SHISA6: variants seen among roughly 807,000 people sequenced by gnomAD.
SHISA6 encodes protein shisa-6.
A neutral mutation model predicts 47.9 loss-of-function variants in SHISA6; 22 were observed. That is an observed-to-expected ratio of 0.46 (90% CI 0.33 to 0.66). The LOEUF (loss-of-function observed/expected upper bound fraction) is 0.66. Ranked by LOEUF, SHISA6 falls within the 30% of genes least tolerant of loss-of-function variation. The pLI is 0.02. For synonymous variants in SHISA6, 388 were observed against 337.8 expected (o/e 1.15, Z -1.63); for missense variants, 680 against 764.6 (o/e 0.89, Z 1.30).
At chr17:11,426,889 C>T (rs1413084458) in intron 3 of SHISA6, among the ~76,000 whole-genome samples, 1 of 152,052 alleles carries the variant, frequency 6.6e-6, no homozygotes, top group Non-Finnish European at 1.5e-5. Flanking sequence ...ATTTTCTCAC[C>T]TTCTCCATCT....
chr17:11,480,930 T>C (rs914229108), intron 3 of SHISA6, among the ~76,000 whole-genome samples: 4 of 151,974 alleles, frequency 2.6e-5, no homozygotes, highest in Admixed American at 1.3e-4. Flanking sequence ...ATTAAAAAAA[T>C]AGAGTATATA....
chr17:11,341,418 T>C (rs1180799840), intron 2 of SHISA6, among the ~76,000 whole-genome samples: 1 of 138,078 alleles, frequency 7.2e-6, no homozygotes, highest in Admixed American at 7.8e-5. Flanking sequence ...CACTGCAACC[T>C]CTGCCTCCCA....
intron 1 of SHISA6, among the ~76,000 whole-genome samples, chr17:11,254,656 T>G (rs1907943614): frequency 6.6e-6 from 1 of 152,206 alleles, no homozygotes; most frequent in Non-Finnish European, 1.5e-5. Flanking sequence ...ATTGTTAGGA[T>G]GCAATTCTAG....
intron 2 of SHISA6, among the ~76,000 whole-genome samples, chr17:11,359,565 G>T (rs915790219): frequency 6.6e-6 from 1 of 152,122 alleles, no homozygotes; most frequent in Admixed American, 6.5e-5. Context: ...TCTGGATTGC[G>T]TGTGACTTTG....
chr17:11,309,821 T>A (rs551594352), intron 2 of SHISA6, among the ~76,000 whole-genome samples: 1 of 152,362 alleles, frequency 6.6e-6, no homozygotes, highest in South Asian at 2.1e-4. Flanking sequence ...GTGCTTTATC[T>A]TGATTTTGGA....
intron 3 of SHISA6, among the ~76,000 whole-genome samples, chr17:11,397,152 T>G (rs1913597647): frequency 6.6e-6 from 1 of 152,228 alleles, no homozygotes; most frequent in African/African-American, 2.4e-5. Flanking sequence ...TTTTTCCTAG[T>G]AGTTACCTTT....
At chr17:11,522,196 A>C (rs1317866529) in intron 3 of SHISA6, among the ~76,000 whole-genome samples, 6 of 151,810 alleles carry the variant, frequency 4.0e-5, no homozygotes, top group Admixed American at 6.6e-5. Context: ...CAATCTCCTG[A>C]CCTAGTGATC....
intron 3 of SHISA6, among the ~76,000 whole-genome samples, chr17:11,498,604 A>G (rs1485883423): frequency 1.3e-5 from 2 of 152,200 alleles, no homozygotes; most frequent in Non-Finnish European, 2.9e-5. Context: ...CATTATGTCC[A>G]TGTATCCAAA....
rs1567696418 is a variant in SHISA6 at position 11,241,488 on chromosome 17, C to G, written c.66C>G (p.Ser22Arg). 8 of 1,176,236 alleles carry G rather than the reference C, an allele frequency of 6.8e-6. No homozygotes were observed. The highest frequency in any genetic ancestry group is 8.5e-6 in the Non-Finnish European group (8 of 940,132). The allele number at this position is 1,176,236 out of a possible 1,614,324, so 72.9% of individuals were successfully genotyped here. A position where few individuals can be genotyped will look rare whatever the true frequency, so the allele number is the denominator to read the frequency against. ...TGGAGTCCCTGGACCTGCTGCCCAG[C>G]GTCCACGGAGCCCGCGGCCGCGCCG... ...LSLESLDLLP[S>R]VHGARGRAAN... Residue 22 changes from serine (S) to arginine (R), a missense_variant, in exon 1 of 6, where the codon AGC becomes AGG. Physicochemically the swap from Ser to Arg is moderately radical, Grantham distance 110. This residue lies in a region of SHISA6 where 121 missense variants were observed against 90.5 expected (regional missense o/e 1.34). Coordinates refer to ENST00000441885, the MANE Select transcript of SHISA6 (RefSeq NM_207386.4). This position sits in a 1 kb window ranked among gnomAD's most constrained non-coding sequence, Gnocchi z 5.5.
intron 3 of SHISA6, among the ~76,000 whole-genome samples, chr17:11,425,794 T>A (rs1914595493): frequency 6.6e-6 from 1 of 152,204 alleles, no homozygotes; most frequent in African/African-American, 2.4e-5. Flanking sequence ...TGTAGCCAGA[T>A]GGCAATGGCA....
intron 2 of SHISA6, among the ~76,000 whole-genome samples, chr17:11,277,434 G>A (rs771061956): frequency 6.6e-6 from 1 of 152,068 alleles, no homozygotes; most frequent in Admixed American, 6.6e-5. Flanking sequence ...GACTGTAAGT[G>A]CCTTGAGTAC....
chr17:11,305,973 C>A (rs1910096045), intron 2 of SHISA6, among the ~76,000 whole-genome samples: 1 of 152,120 alleles, frequency 6.6e-6, no homozygotes, highest in African/African-American at 2.4e-5. Context: ...ACACCAGATG[C>A]CTGTGCGTAC....
chr17:11,267,417 C>T (rs1481981782), intron 2 of SHISA6, among the ~76,000 whole-genome samples: 2 of 152,180 alleles, frequency 1.3e-5, no homozygotes, highest in African/African-American at 4.8e-5. Flanking sequence ...TGAAGAAGAC[C>T]TCTCTTAGCT....
intron 2 of SHISA6, among the ~76,000 whole-genome samples, chr17:11,375,528 A>G (rs962097407): frequency 1.3e-5 from 2 of 152,186 alleles, no homozygotes; most frequent in Non-Finnish European, 2.9e-5. Context: ...TACAGAGATC[A>G]CCATTTGGAT....
chr17:11,455,084 G>T (rs1386784077), intron 3 of SHISA6, among the ~76,000 whole-genome samples: 8 of 152,088 alleles, frequency 5.3e-5, no homozygotes, highest in Admixed American at 5.2e-4. Flanking sequence ...CAGGAGAATG[G>T]TGTGAACCCA....
intron 2 of SHISA6, among the ~76,000 whole-genome samples, chr17:11,350,928 G>A (rs1426965023): frequency 6.6e-6 from 1 of 152,180 alleles, no homozygotes; most frequent in Admixed American, 6.5e-5. Context: ...TAAAGAAAAT[G>A]TGGCACATAT....
At chr17:11,446,364 G>C (rs753705095) in intron 3 of SHISA6, among the ~76,000 whole-genome samples, 38 of 152,272 alleles carry the variant, frequency 2.5e-4, no homozygotes, top group Middle Eastern at 3.4e-3. Flanking sequence ...ATCTATGGTG[G>C]AATCGTCCTC....
intron 3 of SHISA6, among the ~76,000 whole-genome samples, chr17:11,453,228 A>G (rs1439428604): frequency 6.6e-6 from 1 of 152,178 alleles, no homozygotes; most frequent in African/African-American, 2.4e-5. Context: ...TGTGGATGCT[A>G]AAAGGTCATT....
chr17:11,465,000 T>G (rs1353561561), intron 3 of SHISA6, among the ~76,000 whole-genome samples: 6 of 151,932 alleles, frequency 3.9e-5, no homozygotes, highest in Non-Finnish European at 7.4e-5. Context: ...AGCTGCCACT[T>G]GATTATGTTT....
Sources: gnomAD v4.1 joint callset for allele counts (sites outside exome capture counted in the v4.1 genomes callset) on GRCh38, gnomAD v4.1.1 for gene constraint, gnomAD v4.1.1 regional missense constraint, Gnocchi (gnomAD v3.1) non-coding constraint, MANE v1.5 for transcripts, NCBI Gene and HGNC (gene_info 2026-07-23, HGNC 2026-07-21) for gene names.